MACROD2: variants seen among roughly 807,000 people sequenced by gnomAD.
The protein encoded by MACROD2 is mono-ADP ribosylhydrolase 2, also known as ADP-ribose glycohydrolase MACROD2.
A neutral mutation model predicts 70.4 loss-of-function variants in MACROD2; 36 were observed. That is an observed-to-expected ratio of 0.51 (90% CI 0.39 to 0.68). The LOEUF (loss-of-function observed/expected upper bound fraction) is 0.68. Among genes scored for constraint, MACROD2 ranks in the 30% least tolerant of loss-of-function variants. The pLI is 0.00. For synonymous variants in MACROD2, 172 were observed against 178.8 expected (o/e 0.96, Z 0.30); for missense variants, 496 against 538.4 (o/e 0.92, Z 0.78).
At chr20:14,468,549 G>T in intron 3 of MACROD2, among the ~76,000 whole-genome samples, 1 of 149,768 alleles carries the variant, frequency 6.7e-6, no homozygotes. Context: ...GTCTCACTCT[G>T]TCACCGAGGC....
At chr20:15,589,946 AT>A (rs984330077) in intron 8 of MACROD2, among the ~76,000 whole-genome samples, 1 of 152,210 alleles carries the variant, frequency 6.6e-6, no homozygotes, top group African/African-American at 2.4e-5. Context: ...CTAGAAAAAA[AT>A]CTATAAGAGT....
chr20:15,160,824 G>C (rs1004242937), intron 5 of MACROD2, among the ~76,000 whole-genome samples: 1 of 152,012 alleles, frequency 6.6e-6, no homozygotes, highest in Non-Finnish European at 1.5e-5. Flanking sequence ...ACAATTTCAG[G>C]AAACAATTAC....
intron 16 of MACROD2, among the ~76,000 whole-genome samples, chr20:16,042,876 A>T (rs2067326435): frequency 6.6e-6 from 1 of 152,012 alleles, no homozygotes; most frequent in African/African-American, 2.4e-5. Flanking sequence ...TTATTGGGAG[A>T]GAGTTCAGTG....
At chr20:15,568,445 C>G (rs2048336768) in intron 8 of MACROD2, among the ~76,000 whole-genome samples, 1 of 152,220 alleles carries the variant, frequency 6.6e-6, no homozygotes. Context: ...CTATGTCTAA[C>G]AGTGTGTGTC....
chr20:15,124,886 G>A (rs1020524703), intron 5 of MACROD2, among the ~76,000 whole-genome samples: 1 of 151,824 alleles, frequency 6.6e-6, no homozygotes, highest in African/African-American at 2.4e-5. Context: ...GTTGAGTAAA[G>A]TCATGATGGA....
chr20:14,173,603 A>T (rs777930758), intron 3 of MACROD2, among the ~76,000 whole-genome samples: 14 of 152,068 alleles, frequency 9.2e-5, no homozygotes, highest in Admixed American at 1.3e-4. Context: ...GACCTTCTGA[A>T]TTCTTTTTCT....
At chr20:15,959,640 CTG>C (rs1261198317) in intron 12 of MACROD2, among the ~76,000 whole-genome samples, 2 of 152,172 alleles carry the variant, frequency 1.3e-5, no homozygotes, top group Non-Finnish European at 2.9e-5. Context: ...AGCGATTCTC[CTG>C]TCTCAGCCTC....
chr20:14,735,184 G>T (rs940802209), intron 5 of MACROD2, among the ~76,000 whole-genome samples: 2 of 152,124 alleles, frequency 1.3e-5, no homozygotes, highest in Admixed American at 1.3e-4. Flanking sequence ...ACGACACTAT[G>T]AAGAAAGTGA....
intron 6 of MACROD2, among the ~76,000 whole-genome samples, chr20:15,310,252 C>T (rs2077737927): frequency 6.6e-6 from 1 of 151,906 alleles, no homozygotes; most frequent in South Asian, 2.1e-4. Context: ...GTCTACTTCC[C>T]CTACCAGGTA....
intron 5 of MACROD2, among the ~76,000 whole-genome samples, chr20:14,709,822 A>C (rs2071316417): frequency 6.6e-6 from 1 of 152,208 alleles, no homozygotes; most frequent in Non-Finnish European, 1.5e-5. Context: ...TTGATTCTTC[A>C]ATTTGTTAAA....
intron 8 of MACROD2, among the ~76,000 whole-genome samples, chr20:15,580,319 C>T (rs553444201): frequency 5.8e-4 from 89 of 152,242 alleles, no homozygotes; most frequent in African/African-American, 2.0e-3. Flanking sequence ...CCCTGGTGTC[C>T]GGGATCCTAT....
intron 6 of MACROD2, among the ~76,000 whole-genome samples, chr20:15,317,782 G>A (rs2077829798): frequency 6.6e-6 from 1 of 151,710 alleles, no homozygotes; most frequent in South Asian, 2.1e-4. Flanking sequence ...TTTTTGTACT[G>A]TTGAGGTTTT....
chr20:15,995,532 A>G (rs1327899618), intron 15 of MACROD2, among the ~76,000 whole-genome samples: 2 of 150,204 alleles, frequency 1.3e-5, no homozygotes, highest in African/African-American at 4.9e-5. Flanking sequence ...TTGTATTTTT[A>G]GTAGAGACAG....
intron 5 of MACROD2, among the ~76,000 whole-genome samples, chr20:14,814,626 A>AAGG (rs1213340377): frequency 6.6e-6 from 1 of 152,040 alleles, no homozygotes; most frequent in African/African-American, 2.4e-5. Context: ...ATGCCTTCTA[A>AAGG]AGGAGGATAT....
intron 6 of MACROD2, among the ~76,000 whole-genome samples, chr20:15,319,224 GA>G (rs1426417962): frequency 6.6e-6 from 1 of 151,948 alleles, no homozygotes; most frequent in East Asian, 1.9e-4. Flanking sequence ...AAGAGCAAAG[GA>G]ATAATATATG....
intron 5 of MACROD2, among the ~76,000 whole-genome samples, chr20:14,957,375 T>A (rs2074546377): frequency 1.3e-5 from 2 of 152,158 alleles, no homozygotes; most frequent in African/African-American, 4.8e-5. Flanking sequence ...ACAGAGTTAC[T>A]TCTTGGTCTG....
chr20:14,206,283 A>C (rs2081522406), intron 3 of MACROD2, among the ~76,000 whole-genome samples: 1 of 152,344 alleles, frequency 6.6e-6, no homozygotes, highest in South Asian at 2.1e-4. Context: ...ACTTGTTAGA[A>C]ATGCAAACTA....
At chr20:15,230,186 G>T (rs2076947709) in intron 6 of MACROD2, 125 bp downstream of exon 6, 2 of 843,004 alleles carry the variant, frequency 2.4e-6, no homozygotes, top group East Asian at 5.7e-5. Context: ...AAGGATCTTA[G>T]TAGCCGATTT....
intron 3 of MACROD2, among the ~76,000 whole-genome samples, chr20:14,444,758 A>G (rs924299129): frequency 6.6e-6 from 1 of 152,000 alleles, no homozygotes; most frequent in Non-Finnish European, 1.5e-5. Context: ...AACTCTTGGT[A>G]TTCCTGTTTT....
Sources: gnomAD v4.1 joint callset for allele counts (sites outside exome capture counted in the v4.1 genomes callset) on GRCh38, gnomAD v4.1.1 for gene constraint, MANE v1.5 for transcripts, NCBI Gene and HGNC (gene_info 2026-07-23, HGNC 2026-07-21) for gene names.